The following DENND1A variants were observed in gnomAD, a reference collection of about 807,000 sequenced individuals.
DENND1A encodes DENN domain containing 1A.
In DENND1A, 51 loss-of-function variants were observed where a neutral mutation model predicts 113.7. The observed-to-expected ratio is 0.45, with a 90% CI of 0.36 to 0.57. The LOEUF is 0.57. DENND1A is among the 20% of genes least tolerant of loss of function. The probability of loss-of-function intolerance (pLI) is 0.00; values close to 1 mark genes in which losing one functional copy is unlikely to be tolerated. For synonymous variants in DENND1A, 565 were observed against 570.8 expected (o/e 0.99, Z 0.14); for missense variants, 1,258 against 1,395.9 (o/e 0.90, Z 1.57).
At chr9:123,574,642 G>A (rs1448552574) in intron 12 of DENND1A, among the ~76,000 whole-genome samples, 1 of 152,190 alleles carries the variant, frequency 6.6e-6, no homozygotes, top group African/African-American at 2.4e-5. Context: ...GTTAAAGGGA[G>A]AGAATGCAGT....
chr9:123,708,641 G>A (rs2066384028), intron 5 of DENND1A, among the ~76,000 whole-genome samples: 2 of 152,140 alleles, frequency 1.3e-5, no homozygotes, highest in South Asian at 2.1e-4. Flanking sequence ...CATCATTGTT[G>A]CATGCAGATG....
At chr9:123,430,615 T>C (rs529657676) in intron 19 of DENND1A, among the ~76,000 whole-genome samples, 122 of 152,262 alleles carry the variant, frequency 8.0e-4, no homozygotes, top group Non-Finnish European at 1.4e-3. Context: ...AAGTGGGAGC[T>C]GAATGATGAG....
chr9:123,643,155 T>A (rs555062437), intron 9 of DENND1A, among the ~76,000 whole-genome samples: 5 of 152,194 alleles, frequency 3.3e-5, no homozygotes, highest in African/African-American at 1.2e-4. Context: ...CACCCACCAC[T>A]CCTCAGGCCA....
chr9:123,680,176 C>T (rs780559072), intron 5 of DENND1A, among the ~76,000 whole-genome samples: 11 of 152,122 alleles, frequency 7.2e-5, no homozygotes, highest in African/African-American at 1.4e-4. Context: ...CAGAGAAAAG[C>T]GAAAAGGAAC....
At chr9:123,698,392 G>A (rs2065658483) in intron 5 of DENND1A, among the ~76,000 whole-genome samples, 1 of 152,156 alleles carries the variant, frequency 6.6e-6, no homozygotes, top group African/African-American at 2.4e-5. Context: ...TATACCACAA[G>A]TGTAGTAGTA....
Position 123,483,993 on chromosome 9 carries a change from C to T in DENND1A, c.994-26096G>A, listed in dbSNP as rs115283186. Among the ~76,000 whole-genome samples, 219 of 152,262 alleles carry T rather than the reference C, an allele frequency of 1.4e-3. 1 individual carries two copies. The highest frequency in any genetic ancestry group is 5.1e-3 in the African/African-American group (213 of 41,546). The stretch of plus-strand genomic sequence containing the variant: ...GGTTAGTGTCTCCTGGTCATCGGAG[C>T]CATGCCATACATGCTATTAAATATT... On this transcript the variant is annotated intron_variant, in intron 13 of 23. Transcript: ENST00000394215.
intron 5 of DENND1A, among the ~76,000 whole-genome samples, chr9:123,703,775 A>C (rs531181177): frequency 2.3e-3 from 343 of 152,250 alleles, no homozygotes; most frequent in Non-Finnish European, 3.9e-3. Context: ...ATTGACAATG[A>C]AAGAAAACAG....
chr9:123,798,907 A>C (rs900535269), intron 2 of DENND1A, among the ~76,000 whole-genome samples: 1 of 152,154 alleles, frequency 6.6e-6, no homozygotes, highest in African/African-American at 2.4e-5. Context: ...ATAGATAATT[A>C]TAGATGAGTT....
chr9:123,465,175 C>T (rs1260621876), intron 13 of DENND1A, among the ~76,000 whole-genome samples: 10 of 149,720 alleles, frequency 6.7e-5, no homozygotes, highest in East Asian at 1.9e-4. Context: ...AGCAAGACTA[C>T]GTCTCAAAAA....
intron 13 of DENND1A, among the ~76,000 whole-genome samples, chr9:123,510,753 G>A (rs772142495): frequency 1.3e-5 from 2 of 152,216 alleles, no homozygotes; most frequent in African/African-American, 4.8e-5. Flanking sequence ...TGGCCTTGAG[G>A]CTTTCTTAAC....
chr9:123,599,932 T>G lies in DENND1A; in HGVS notation c.765+9504A>C, dbSNP rs144485699. Among the ~76,000 whole-genome samples the G allele has an allele frequency of 2.7e-3, 406 of 152,240 alleles. 2 individuals are homozygous for G. Among genetic ancestry groups the G allele is most frequent in the Non-Finnish European group, 4.7e-3 (317 of 68,010 alleles). ...GCCTGATGGTCACAAACCCATACCATGAGTCGGCTGAGCATGGTGTTAAAC... is the reference window on the plus strand; with the variant it reads ...GCCTGATGGTCACAAACCCATACCAGGAGTCGGCTGAGCATGGTGTTAAAC... On this transcript the variant is annotated intron_variant, in intron 11 of 23. Coordinates refer to ENST00000394215, the MANE Select transcript of DENND1A (RefSeq NM_001352964.2).
intron 5 of DENND1A, among the ~76,000 whole-genome samples, chr9:123,734,963 C>T (rs1464085402): frequency 1.3e-5 from 2 of 152,184 alleles, no homozygotes; most frequent in Non-Finnish European, 2.9e-5. Context: ...CGCTACAATC[C>T]TCCAAGGACT....
At chr9:123,644,664 G>A (rs1195803392) in intron 9 of DENND1A, among the ~76,000 whole-genome samples, 1 of 152,220 alleles carries the variant, frequency 6.6e-6, no homozygotes, top group East Asian at 1.9e-4. Context: ...ACTTCGAAGG[G>A]GCTACGATTA....
chr9:123,894,629 G>A (rs1424626819), intron 1 of DENND1A, among the ~76,000 whole-genome samples: 3 of 152,120 alleles, frequency 2.0e-5, no homozygotes, highest in African/African-American at 4.8e-5. Context: ...TGAGAAAAAC[G>A]GGGACAATAC....
intron 13 of DENND1A, among the ~76,000 whole-genome samples, chr9:123,526,192 C>T (rs560407247): frequency 2.7e-5 from 4 of 150,284 alleles, no homozygotes; most frequent in East Asian, 4.0e-4. Context: ...CACACATATG[C>T]GTACACACAC....
chr9:123,383,859 T>C lies in DENND1A; in HGVS notation c.1815A>G (p.Ala605=), dbSNP rs2808410. The C allele has an allele frequency of 0.018, 29,781 of 1,613,534 alleles. 351 individuals are homozygous for C. The highest frequency in any genetic ancestry group is 0.055 in the Middle Eastern group (331 of 6,062). ...TCCGCACTTGCTGCTCTGGACTCTC[T>C]GCCTCGTCGCCTTCCGCGCTGTCTG... ...RESDSAEGDE[A]ESPEQQVRKS... is the part of the protein sequence containing the mutation. The change falls in exon 23 of 24, where the codon GCA becomes GCG. Residue 605 remains alanine, a synonymous_variant. Coordinates refer to ENST00000394215, the MANE Select transcript of DENND1A (RefSeq NM_001352964.2).
intron 21 of DENND1A, 95 bp from the exon 22 acceptor site, chr9:123,387,953 G>A (rs1358952280): frequency 7.6e-6 from 9 of 1,189,500 alleles, no homozygotes; most frequent in East Asian, 5.9e-5. Context: ...TGGGCTCCAC[G>A]CCTGGCCCTG....
intron 11 of DENND1A, among the ~76,000 whole-genome samples, chr9:123,598,456 C>CAAAAAAAAAAAAAA (rs780473231): frequency 1.7e-5 from 1 of 59,404 alleles, no homozygotes; most frequent in Admixed American, 2.1e-4. Flanking sequence ...TCACAAATCT[C>CAAAAAAAAAAAAAA]AAAAAAAAAA....
intron 11 of DENND1A, among the ~76,000 whole-genome samples, chr9:123,593,713 T>C (rs1369675225): frequency 1.3e-5 from 2 of 152,154 alleles, no homozygotes; most frequent in African/African-American, 4.8e-5. Flanking sequence ...TACATCTTAG[T>C]AGCTTGTTAA....
Sources: gnomAD v4.1 joint callset for allele counts (sites outside exome capture counted in the v4.1 genomes callset) on GRCh38, gnomAD v4.1.1 for gene constraint, MANE v1.5 for transcripts, NCBI Gene and HGNC (gene_info 2026-07-23, HGNC 2026-07-21) for gene names.